Variants in PALLD observed in about 807,000 individuals in gnomAD.
PALLD encodes the protein palladin.
A neutral mutation model predicts 123.5 loss-of-function variants in PALLD; 61 were observed. The ratio of observed to expected loss-of-function variants is 0.49; its 90% confidence interval spans 0.40 to 0.61. The LOEUF (loss-of-function observed/expected upper bound fraction) is 0.61, where lower values mean the gene tolerates loss of function less well. PALLD is among the 20% of genes least tolerant of loss of function. The probability of loss-of-function intolerance (pLI) is 0.00; values close to 1 mark genes in which losing one functional copy is unlikely to be tolerated. For synonymous variants in PALLD, 465 were observed against 496.4 expected (o/e 0.94, Z 0.84); for missense variants, 1,273 against 1,377.0 (o/e 0.92, Z 1.20).
chr4:168,543,620 A>G (rs1765858102), intron 2 of PALLD, among the ~76,000 whole-genome samples: 2 of 152,162 alleles, frequency 1.3e-5, no homozygotes, highest in African/African-American at 4.8e-5. Flanking sequence ...CTACATATTT[A>G]ATTATATTAA....
intron 10 of PALLD, among the ~76,000 whole-genome samples, chr4:168,784,047 C>G (rs1442910363): frequency 6.6e-6 from 1 of 151,972 alleles, no homozygotes; most frequent in East Asian, 1.9e-4. Flanking sequence ...GAGTTCGAGA[C>G]CAGCCTGGCC....
rs1434151476 is a variant in PALLD, at chr4:168,878,187, C to G, written c.1965-12735C>G. 15 of 1,512,990 alleles carry G rather than the reference C, an allele frequency of 9.9e-6. No individual in the cohort carries two copies. In the East Asian group the frequency reaches 3.9e-4, roughly 40 times the overall value. The allele number at this position is 1,512,990 out of a possible 1,614,324, so 93.7% of individuals were successfully genotyped here. A position where few individuals can be genotyped will look rare whatever the true frequency, so the allele number is the denominator to read the frequency against. On this transcript the variant is annotated intron_variant, in intron 10 of 21. Coordinates refer to ENST00000505667, the MANE Select transcript of PALLD (RefSeq NM_001166108.2). Reference sequence around the variant, plus strand: ...CCGCCACCCCCGGTCTTCAGCCCCACGGCTGCCTTCCCGGTGCCCGACGTG... The same window carrying G: ...CCGCCACCCCCGGTCTTCAGCCCCAGGGCTGCCTTCCCGGTGCCCGACGTG...
At chr4:168,540,881 A>G (rs557798709) in intron 2 of PALLD, among the ~76,000 whole-genome samples, 1 of 152,132 alleles carries the variant, frequency 6.6e-6, no homozygotes, top group East Asian at 1.9e-4. Flanking sequence ...AATTAGCTGT[A>G]AGGAGTTGGA....
In PALLD at chr4:168,613,740, G is replaced by A. The variant is rs147013864; in HGVS notation, c.909-54450G>A. Among the ~76,000 whole-genome samples the A allele has an allele frequency of 2.7e-3, 404 of 152,314 alleles. 4 individuals carry two copies. Among genetic ancestry groups the A allele is most frequent in the African/African-American group, 6.0e-3 (248 of 41,578 alleles). On this transcript the variant is annotated intron_variant, in intron 2 of 21. Transcript: ENST00000505667. ...TACCCCAAGACTTCCAGGAGACAGA[G>A]TGTGCCCCAAGTCATGCTGGCTACA...
chr4:168,575,505 T>C (rs1769473065), intron 2 of PALLD, among the ~76,000 whole-genome samples: 2 of 152,148 alleles, frequency 1.3e-5, no homozygotes, highest in South Asian at 2.1e-4. Context: ...GTGGGGATTA[T>C]AATTTGAGAT....
intron 16 of PALLD, 77 bp downstream of exon 16, chr4:168,914,098 A>C: frequency 2.2e-6 from 2 of 894,882 alleles, no homozygotes; most frequent in Non-Finnish European, 3.7e-6. Context: ...TAGAATCATC[A>C]TATGACCACA....
chr4:168,911,832 AGT>A (rs1759026768), intron 15 of PALLD, among the ~76,000 whole-genome samples: 1 of 152,218 alleles, frequency 6.6e-6, no homozygotes. Flanking sequence ...CAGGAAACAC[AGT>A]GTTTTAACTA....
intron 2 of PALLD, among the ~76,000 whole-genome samples, chr4:168,538,833 C>T (rs1047700777): frequency 1.3e-5 from 2 of 152,164 alleles, no homozygotes; most frequent in African/African-American, 4.8e-5. Context: ...TGGGTGATTA[C>T]CCGCGATTGG....
At chr4:168,682,622 T>C (rs1781655962) in intron 4 of PALLD, among the ~76,000 whole-genome samples, 1 of 152,214 alleles carries the variant, frequency 6.6e-6, no homozygotes, top group Non-Finnish European at 1.5e-5. Context: ...CCTAAACATT[T>C]CAAATCTCTG....
At chr4:168,740,804 T>C (rs1788252425) in intron 10 of PALLD, among the ~76,000 whole-genome samples, 3 of 152,176 alleles carry the variant, frequency 2.0e-5, no homozygotes, top group African/African-American at 7.2e-5. Flanking sequence ...TGGATATAAA[T>C]CCTCCCATTC....
intron 10 of PALLD, among the ~76,000 whole-genome samples, chr4:168,762,502 G>A (rs1383205871): frequency 6.6e-6 from 1 of 152,068 alleles, no homozygotes; most frequent in African/African-American, 2.4e-5. Flanking sequence ...ATTCTCTGGC[G>A]ATCATTAAAA....
chr4:168,665,412 G>A (rs754865504), intron 2 of PALLD, among the ~76,000 whole-genome samples: 1 of 152,138 alleles, frequency 6.6e-6, no homozygotes, highest in African/African-American at 2.4e-5. Flanking sequence ...TTTGGCATGC[G>A]AGGGACCAGA....
At chr4:168,847,736 T>A (rs1298223771) in intron 10 of PALLD, among the ~76,000 whole-genome samples, 2 of 152,182 alleles carry the variant, frequency 1.3e-5, no homozygotes, top group East Asian at 3.8e-4. Flanking sequence ...GATATGGACA[T>A]GCAATGCGTA....
At chr4:168,612,407 C>T (rs1305556351) in intron 2 of PALLD, among the ~76,000 whole-genome samples, 4 of 152,118 alleles carry the variant, frequency 2.6e-5, no homozygotes, top group Admixed American at 6.5e-5. Context: ...GAGACGTCTC[C>T]ACAGTTTTCT....
intron 8 of PALLD, among the ~76,000 whole-genome samples, chr4:168,695,500 G>T (rs1783052238): frequency 6.6e-6 from 1 of 152,162 alleles, no homozygotes; most frequent in South Asian, 2.1e-4. Context: ...ATGACACAAT[G>T]ACTGGCTTGA....
At chr4:168,568,035 C>T (rs1768587388) in intron 2 of PALLD, among the ~76,000 whole-genome samples, 1 of 151,960 alleles carries the variant, frequency 6.6e-6, no homozygotes, top group South Asian at 2.1e-4. Context: ...AAATATTTTT[C>T]ATTTTAGTTT....
At chr4:168,925,690 A>C (rs1247093638) in intron 21 of PALLD, among the ~76,000 whole-genome samples, 1 of 152,174 alleles carries the variant, frequency 6.6e-6, no homozygotes, top group Non-Finnish European at 1.5e-5. Context: ...CATAAAAAAA[A>C]CACTAGAAAA....
intron 2 of PALLD, among the ~76,000 whole-genome samples, chr4:168,588,488 G>A (rs568382975): frequency 3.3e-5 from 5 of 151,776 alleles, no homozygotes; most frequent in East Asian, 1.9e-4. Flanking sequence ...TTCATCCTCC[G>A]CCTCCTGGGT....
chr4:168,725,501 A>G (rs1020758371), intron 10 of PALLD, among the ~76,000 whole-genome samples: 1 of 144,900 alleles, frequency 6.9e-6, no homozygotes, highest in Non-Finnish European at 1.5e-5. Flanking sequence ...AAAGAACAAT[A>G]TATTTTATTC....
Sources: allele counts gnomAD v4.1 joint callset (sites outside exome capture counted in the v4.1 genomes callset), GRCh38; gene constraint gnomAD v4.1.1; transcripts MANE v1.5; gene names NCBI Gene and HGNC (gene_info 2026-07-23, HGNC 2026-07-21).